The following VPS52 variants were observed in gnomAD, a reference collection of about 807,000 sequenced individuals.
VPS52 encodes the protein vacuolar protein sorting-associated protein 52 homolog.
A neutral mutation model predicts 98.7 loss-of-function variants in VPS52; 56 were observed. The observed-to-expected ratio is 0.57, with a 90% CI of 0.46 to 0.71. The LOEUF (loss-of-function observed/expected upper bound fraction) is 0.71. VPS52 is among the 30% of genes least tolerant of loss of function. VPS52 has a pLI of 0.00. For missense variants in VPS52, 742 were observed against 925.9 expected, an observed-to-expected ratio of 0.80 and a Z score of 2.58; for synonymous variants, 348 against 346.4, an observed-to-expected ratio of 1.00 and a Z score of -0.05.
chr6:33,252,106 G>T, intron 17 of VPS52, 135 bp from the exon 18 acceptor site: 1 of 690,996 alleles, frequency 1.4e-6, no homozygotes, highest in Non-Finnish European at 2.4e-6. Flanking sequence ...ATCCTCTATG[G>T]AGAAAAATAT....
chr6:33,257,295 A>G (rs991794779), intron 17 of VPS52, among the ~76,000 whole-genome samples: 1 of 152,208 alleles, frequency 6.6e-6, no homozygotes, highest in African/African-American at 2.4e-5. Context: ...TTGGCCTCCC[A>G]AAGTGCTGGG....
In VPS52 at chr6:33,266,700, C is replaced by T; in HGVS notation, c.1138G>A (p.Ala380Thr). The stretch of plus-strand genomic sequence containing the variant: ...GCGTAGTGCTGGCTGCGGAAGAGGG[C>T]CTCAAATGGATACTGGGAGAGGAGG... ...QRGEQRYPFE[A>T]LFRSQHYALL... is the part of the protein sequence containing the mutation. Residue 380 changes from alanine (A) to threonine (T), a missense_variant, in exon 12 of 20, where the codon GCC (alanine) becomes ACC (threonine). Physicochemically the swap from Ala to Thr is moderately conservative, Grantham distance 58. Coordinates refer to ENST00000445902, the MANE Select transcript of VPS52 (RefSeq NM_022553.6). 6.2e-7 allele frequency: 1 copy of T among 1,609,344 alleles called. No individual in the cohort carries two copies. The highest frequency in any genetic ancestry group is 8.5e-7 in the Non-Finnish European group (1 of 1,178,148).
chr6:33,262,632 A>G (rs754845271), intron 17 of VPS52, among the ~76,000 whole-genome samples: 11 of 152,354 alleles, frequency 7.2e-5, no homozygotes, highest in East Asian at 1.9e-4. Flanking sequence ...GTGTCCATCA[A>G]CAGATGAATG....
chr6:33,263,705 G>C, intron 16 of VPS52, 67 bp downstream of exon 16: 1 of 1,598,324 alleles, frequency 6.3e-7, no homozygotes, highest in Non-Finnish European at 8.6e-7. Flanking sequence ...TGCCCTCACA[G>C]AGCTAACAGC....
intron 17 of VPS52, among the ~76,000 whole-genome samples, chr6:33,255,462 CTTTT>C (rs9280383): frequency 4.3e-5 from 5 of 117,260 alleles, no homozygotes; most frequent in Non-Finnish European, 6.9e-5. Flanking sequence ...CTACGCCTGG[CTTTT>C]TTTTTTTTTT....
chr6:33,250,937 C>A lies in VPS52; in HGVS notation c.2076G>T (p.Leu692=). ...IQLYHRFHRV[L]SQPQLRALPA... is the part of the protein sequence containing the mutation. ...GGAGGGCTCGGAGCTGCGGCTGGGA[C>A]AGCACCCGGTGGAAGCGATGATAGA... Residue 692 remains leucine (L), a synonymous_variant, in exon 20 of 20, where the codon CTG becomes CTT. Coordinates refer to ENST00000445902, the MANE Select transcript of VPS52 (RefSeq NM_022553.6). 1 of 1,613,076 alleles carries A rather than the reference C, an allele frequency of 6.2e-7. No individual in the cohort carries two copies. The highest frequency in any genetic ancestry group is 8.5e-7 in the Non-Finnish European group (1 of 1,180,042).
chr6:33,256,926 A>G (rs1763061185), intron 17 of VPS52, among the ~76,000 whole-genome samples: 1 of 152,072 alleles, frequency 6.6e-6, no homozygotes, highest in African/African-American at 2.4e-5. Context: ...CATAAAAAAA[A>G]GAAATAGATC....
At chr6:33,266,842 C>T in intron 11 of VPS52, 130 bp from the exon 12 acceptor site, 1 of 1,249,464 alleles carries the variant, frequency 8.0e-7, no homozygotes, top group Non-Finnish European at 1.1e-6. Flanking sequence ...CTATCTAGGT[C>T]CGGGCTGTCT....
In VPS52 at chr6:33,271,862, T is replaced by G; in HGVS notation, c.-187A>C. Reference sequence around the variant, plus strand: ...CCAACTGCAAATGGAAATATGGAAGTCTGAAACACAAACTAGCCCCGGAAC... The same window carrying G: ...CCAACTGCAAATGGAAATATGGAAGGCTGAAACACAAACTAGCCCCGGAAC... On this transcript the variant is annotated 5_prime_UTR_variant, in exon 1 of 20. Transcript: ENST00000445902. 7.6e-7 allele frequency: 1 copy of G among 1,322,392 alleles called. No homozygotes were observed. Among genetic ancestry groups the G allele is most frequent in the Non-Finnish European group, 1.0e-6 (1 of 993,042 alleles). 81.9% of individuals were successfully genotyped at this position (1,322,392 alleles called of 1,614,324 possible).
chr6:33,271,708 C>G lies in VPS52; in HGVS notation c.-33G>C. ...AGCCTCACTTCCGGCAACTGTCAGT[C>G]CCGGCGAGTCCGTTCCCCGGAGTGG... is the stretch of plus-strand genomic sequence containing the variant. On this transcript the variant is annotated 5_prime_UTR_variant, in exon 1 of 20. Transcript: ENST00000445902. The G allele has an allele frequency of 6.3e-7, 1 of 1,581,286 alleles. No homozygotes were observed. The highest frequency in any genetic ancestry group is 8.6e-7 in the Non-Finnish European group (1 of 1,162,334).
intron 12 of VPS52, among the ~76,000 whole-genome samples, chr6:33,266,243 A>G (rs575703743): frequency 6.7e-6 from 1 of 150,196 alleles, no homozygotes; most frequent in South Asian, 2.1e-4. Flanking sequence ...GGCTCAAGCA[A>G]TCCTTCCACC....
chr6:33,270,267 A>G lies in VPS52; in HGVS notation c.107T>C (p.Leu36Pro), dbSNP rs1386850125. The change falls in exon 2 of 20, where the codon CTC becomes CCC. Residue 36 changes from leucine (L) to proline (P), a missense_variant. Transcript: ENST00000445902. ...EEGPLAGGPGLQEPLQLGELD... is the reference protein window; with the variant it reads ...EEGPLAGGPGPQEPLQLGELD... ...CTCCCCAAGTTGCAGTGGTTCCTGG[A>G]GCCCAGGACCACCCGCCTGGAAAGG... The G allele has an allele frequency of 1.2e-6, 2 of 1,612,282 alleles. No homozygotes were observed. The highest frequency in any genetic ancestry group is 1.7e-6 in the Non-Finnish European group (2 of 1,178,422).
intron 17 of VPS52, among the ~76,000 whole-genome samples, chr6:33,252,588 C>CAAA (rs9280379): frequency 2.1e-5 from 2 of 96,148 alleles, no homozygotes; most frequent in Admixed American, 1.1e-4. Flanking sequence ...GACTCCGTCT[C>CAAA]AAAAAAAAAA....
Position 33,268,758 on chromosome 6 carries a change from C to T in VPS52, c.549-109G>A. 7.4e-7 allele frequency: 1 copy of T among 1,342,740 alleles called. No homozygotes were observed. The highest frequency in any genetic ancestry group is 1.0e-6 in the Non-Finnish European group (1 of 1,004,964). The allele number at this position is 1,342,740 out of a possible 1,614,324, so 83.2% of individuals were successfully genotyped here. On this transcript the variant is annotated intron_variant, in intron 6 of 19. Coordinates refer to ENST00000445902, the MANE Select transcript of VPS52 (RefSeq NM_022553.6). This position sits in a 1 kb window ranked among gnomAD's most constrained non-coding sequence, Gnocchi z 4.0. ...AGCCCCTGTCATCTCTACCACCTTG[C>T]ATTGTACCATATAGTCAGGACACAT...
At position 33,250,972 on chromosome 6, in the gene VPS52, G is replaced by T; in HGVS notation, c.2041C>A (p.Leu681Met). 1 of 1,613,098 alleles carries T rather than the reference G, an allele frequency of 6.2e-7. No homozygotes were observed. Among genetic ancestry groups the T allele is most frequent in the South Asian group, 1.1e-5 (1 of 91,090 alleles). Reference sequence around the variant, plus strand: ...TGGAAGCGATGATAGAGCTGGATCAGCTGGGTCAGCGCTCCCTGGTCAAAG... The same window carrying T: ...TGGAAGCGATGATAGAGCTGGATCATCTGGGTCAGCGCTCCCTGGTCAAAG... ...TSIIQGALTQ[L>M]IQLYHRFHRV... Residue 681 changes from leucine (L) to methionine (M), a missense_variant, in exon 20 of 20, where the codon CTG (leucine) becomes ATG (methionine). By Grantham distance (15) the Leu-to-Met change is conservative. Coordinates refer to ENST00000445902, the MANE Select transcript of VPS52 (RefSeq NM_022553.6).
At position 33,266,506 on chromosome 6, in the gene VPS52, A is replaced by T. The variant is rs117938201; in HGVS notation, c.1281+51T>A. On this transcript the variant is annotated intron_variant, in intron 12 of 19. Transcript: ENST00000445902. ...GAGTCATGACCCCACTATGCTGCTGATGAAGACTGGGGACAAAGGTGTTGA... is the reference window on the plus strand; with the variant it reads ...GAGTCATGACCCCACTATGCTGCTGTTGAAGACTGGGGACAAAGGTGTTGA... 5.8e-3 allele frequency: 8,807 copies of T among 1,515,190 alleles called. 42 individuals are homozygous for T. The highest frequency in any genetic ancestry group is 0.013 in the Middle Eastern group (71 of 5,520). 93.9% of individuals were successfully genotyped at this position (1,515,190 alleles called of 1,614,324 possible). A position where few individuals can be genotyped will look rare whatever the true frequency, so the allele number is the denominator to read the frequency against.
chr6:33,267,057 G>A lies in VPS52; in HGVS notation c.1125+131C>T. 7.7e-7 allele frequency: 1 copy of A among 1,295,484 alleles called. No individual in the cohort carries two copies. The highest frequency in any genetic ancestry group is 2.5e-5 in the East Asian group (1 of 39,744). 80.2% of individuals were successfully genotyped at this position (1,295,484 alleles called of 1,614,324 possible). On this transcript the variant is annotated intron_variant, in intron 11 of 19. Transcript: ENST00000445902. This position sits in a 1 kb window ranked among gnomAD's most constrained non-coding sequence, Gnocchi z 4.2. The stretch of plus-strand genomic sequence containing the variant: ...ATCACAGCAGGCTGGAGTGATTGGA[G>A]AAGGCCACTCCCAAGTCTAAGGGGA...
intron 17 of VPS52, among the ~76,000 whole-genome samples, chr6:33,259,911 T>A (rs375815250): frequency 4.6e-5 from 7 of 152,326 alleles, no homozygotes; most frequent in African/African-American, 1.7e-4. Flanking sequence ...TAAAGACTAA[T>A]ACTGCATATC....
At chr6:33,271,942 A>G (rs879482046), upstream of VPS52, 12 of 1,043,784 alleles carry the variant, frequency 1.1e-5, no homozygotes, top group African/African-American at 1.6e-5. Context: ...GGCGCACCGG[A>G]AGTTGTGGTA....
Sources: gnomAD v4.1 joint callset for allele counts (sites outside exome capture counted in the v4.1 genomes callset) on GRCh38, gnomAD v4.1.1 for gene constraint, Gnocchi (gnomAD v3.1) non-coding constraint, MANE v1.5 for transcripts, NCBI Gene and HGNC (gene_info 2026-07-23, HGNC 2026-07-21) for gene names.